TRIM2: variants seen among roughly 807,000 people sequenced by gnomAD.
TRIM2 encodes tripartite motif-containing protein 2.
Under a neutral mutation model 75.2 loss-of-function variants are expected in TRIM2, and 20 were observed. The observed-to-expected ratio is 0.27, with a 90% CI of 0.19 to 0.39. The LOEUF (loss-of-function observed/expected upper bound fraction) is 0.39, where lower values mean the gene tolerates loss of function less well. Among genes scored for constraint, TRIM2 ranks in the 10% least tolerant of loss-of-function variants. The probability of loss-of-function intolerance (pLI) is 1.00; values close to 1 mark genes in which losing one functional copy is unlikely to be tolerated. For missense variants in TRIM2, 660 were observed against 990.8 expected, an observed-to-expected ratio of 0.67 and a Z score of 4.48; for synonymous variants, 373 against 388.3, an observed-to-expected ratio of 0.96 and a Z score of 0.46.
chr4:153,273,708 C>T (rs1240106006), intron 2 of TRIM2, among the ~76,000 whole-genome samples: 1 of 152,156 alleles, frequency 6.6e-6, no homozygotes, highest in Non-Finnish European at 1.5e-5. Context: ...AGGAGCCAGT[C>T]ACTAACCCCC....
At chr4:153,276,934 A>T (rs1251478625) in intron 3 of TRIM2, among the ~76,000 whole-genome samples, 1 of 152,268 alleles carries the variant, frequency 6.6e-6, no homozygotes, top group Non-Finnish European at 1.5e-5. Context: ...TAGGATCTTG[A>T]TAAATGTCAG....
intron 1 of TRIM2, among the ~76,000 whole-genome samples, chr4:153,212,330 A>G (rs929366451): frequency 2.6e-5 from 4 of 152,236 alleles, no homozygotes; most frequent in African/African-American, 9.6e-5. Context: ...AGTGGGAGGT[A>G]CACAGTGGGT....
intron 1 of TRIM2, among the ~76,000 whole-genome samples, chr4:153,244,355 C>CTTCTTCCTCTTCTTCTTCTCCTTCT (rs1748079616): frequency 7.9e-5 from 1 of 12,714 alleles, no homozygotes; most frequent in Non-Finnish European, 1.3e-4. Context: ...CTTCTTCTTC[C>CTTCTTCCTCTTCTTCTTCTCCTTCT]TCTTCTTCTT....
intron 3 of TRIM2, among the ~76,000 whole-genome samples, chr4:153,279,541 T>C (rs1382144956): frequency 6.6e-6 from 1 of 152,202 alleles, no homozygotes. Context: ...ATATCCAATG[T>C]GTAGGGTCAA....
chr4:153,273,400 C>T (rs1215847726), intron 2 of TRIM2, among the ~76,000 whole-genome samples: 2 of 149,112 alleles, frequency 1.3e-5, no homozygotes, highest in Non-Finnish European at 3.0e-5. Context: ...CTCAGCCTCC[C>T]GAGTAGCTGG....
At chr4:153,302,187 C>A (rs542997159) in intron 6 of TRIM2, among the ~76,000 whole-genome samples, 1 of 152,134 alleles carries the variant, frequency 6.6e-6, no homozygotes, top group African/African-American at 2.4e-5. Flanking sequence ...TCTTTTACCT[C>A]CTTGGTTAAA....
rs757086011 is a variant in TRIM2 at position 153,161,450 on chromosome 4, G to A, written c.-49+8180G>A. Among the ~76,000 whole-genome samples, 6 of 152,346 alleles carry A rather than the reference G, an allele frequency of 3.9e-5. No homozygotes were observed. The South Asian group carries it at 8.3e-4, about 21-fold the overall frequency. Reference sequence around the variant, plus strand: ...AGATGAGAAAACTGAGACTTAGAGAGATTGAGTACATTTGCAAAGTCGCTA... The same window carrying A: ...AGATGAGAAAACTGAGACTTAGAGAAATTGAGTACATTTGCAAAGTCGCTA... On this transcript the variant is annotated intron_variant, in intron 1 of 11. Coordinates refer to the TRIM2 transcript ENST00000437508.
chr4:153,213,784 C>T (rs1737728994), intron 1 of TRIM2, among the ~76,000 whole-genome samples: 1 of 152,184 alleles, frequency 6.6e-6, no homozygotes, highest in Admixed American at 6.5e-5. Flanking sequence ...CCTCGGCCTC[C>T]CAAAGTGCTG....
intron 1 of TRIM2, among the ~76,000 whole-genome samples, chr4:153,199,227 C>T (rs1365544164): frequency 1.3e-5 from 2 of 152,146 alleles, no homozygotes; most frequent in South Asian, 2.1e-4. Flanking sequence ...TCAAAGTCTC[C>T]TCTTCCTCCT....
intron 6 of TRIM2, among the ~76,000 whole-genome samples, chr4:153,313,678 G>T (rs1310673573): frequency 7.3e-6 from 1 of 137,810 alleles, no homozygotes; most frequent in Non-Finnish European, 1.5e-5. Flanking sequence ...TGTCATCTAG[G>T]CTAGAGTGCA....
At chr4:153,187,771 G>C (rs1360294605) in intron 1 of TRIM2, among the ~76,000 whole-genome samples, 1 of 152,154 alleles carries the variant, frequency 6.6e-6, no homozygotes, top group Non-Finnish European at 1.5e-5. Flanking sequence ...TTCAGTGACA[G>C]GCAGAAAAAT....
intron 1 of TRIM2, among the ~76,000 whole-genome samples, chr4:153,178,133 C>G (rs62323667): frequency 0.12 from 18,027 of 151,970 alleles, 1,473 homozygotes; most frequent in Non-Finnish European, 0.19. Context: ...ATCAAGTTCT[C>G]TTCAGAAGAC....
intron 1 of TRIM2, among the ~76,000 whole-genome samples, chr4:153,182,617 A>G (rs571897727): frequency 1.7e-4 from 26 of 152,326 alleles, no homozygotes; most frequent in African/African-American, 6.0e-4. Context: ...CAAACCATAA[A>G]CAAGAGTTCA....
rs116200182 is a variant in TRIM2, at chr4:153,208,068, G to A, written c.30+3508G>A. On this transcript the variant is annotated intron_variant, in intron 1 of 11. Transcript: ENST00000338700. The stretch of plus-strand genomic sequence containing the variant: ...GCCAGCACTTTGGGAGGCCAAGGTG[G>A]AAGGATCGCTTGAGGCCAAAAGTTC... 3.6e-3 allele frequency among the ~76,000 whole-genome samples: 552 copies of A among 152,306 alleles called. 4 individuals carry two copies. The highest frequency in any genetic ancestry group is 6.4e-3 in the Non-Finnish European group (436 of 68,022).
intron 1 of TRIM2, among the ~76,000 whole-genome samples, chr4:153,163,536 C>G (rs1579250948): frequency 1.0e-5 from 1 of 95,532 alleles, no homozygotes; most frequent in African/African-American, 4.2e-5. Flanking sequence ...GAGTCTTGTT[C>G]TGTCACCTAG....
chr4:153,294,385 A>G lies in TRIM2; in HGVS notation c.686A>G (p.Asp229Gly). Residue 229 changes from aspartate (D) to glycine (G), a missense_variant, in exon 5 of 12, where the codon GAT becomes GGT. This residue lies in a region of TRIM2 where 620 missense variants were observed against 891.0 expected (regional missense o/e 0.70). Transcript: ENST00000338700. ...ACCAACCAAAAGGCCAGCATCGTGG[A>G]TGACATTCATTCCACCTTTGATGAG... ...QLTNQKASIVDDIHSTFDELQ... is the reference protein window; with the variant it reads ...QLTNQKASIVGDIHSTFDELQ... The G allele has an allele frequency of 6.2e-7, 1 of 1,614,204 alleles. No individual in the cohort carries two copies. The highest frequency in any genetic ancestry group is 8.5e-7 in the Non-Finnish European group (1 of 1,180,026).
intron 1 of TRIM2, among the ~76,000 whole-genome samples, chr4:153,185,380 T>C (rs898966463): frequency 2.0e-5 from 3 of 152,172 alleles, no homozygotes; most frequent in Admixed American, 1.3e-4. Context: ...TTTCACTGCA[T>C]TGGCCTTTTT....
At chr4:153,204,667 A>C in intron 1 of TRIM2, 107 bp downstream of exon 1, 1 of 1,403,820 alleles carries the variant, frequency 7.1e-7, no homozygotes, top group East Asian at 2.5e-5. Context: ...CCTGGTTTTA[A>C]TTTTTTCCCT....
intron 6 of TRIM2, among the ~76,000 whole-genome samples, chr4:153,298,341 T>C (rs1763169404): frequency 6.6e-6 from 1 of 152,212 alleles, no homozygotes; most frequent in Non-Finnish European, 1.5e-5. Flanking sequence ...GGAACTGTTT[T>C]AGAGTTAGAA....
Sources: allele counts gnomAD v4.1 joint callset (sites outside exome capture counted in the v4.1 genomes callset), GRCh38; gene constraint gnomAD v4.1.1; regional missense constraint gnomAD v4.1.1; transcripts MANE v1.5; gene names NCBI Gene and HGNC (gene_info 2026-07-23, HGNC 2026-07-21).